Variants in OPCML observed in about 807,000 individuals in gnomAD.
The protein encoded by OPCML is opioid binding protein/cell adhesion molecule like, also known as opioid-binding protein/cell adhesion molecule.
A neutral mutation model predicts 37.8 loss-of-function variants in OPCML; 13 were observed. That is an observed-to-expected ratio of 0.34 (90% CI 0.22 to 0.55). The LOEUF (loss-of-function observed/expected upper bound fraction) is 0.55. Among genes scored for constraint, OPCML ranks in the 20% least tolerant of loss-of-function variants. The pLI is 0.91. For synonymous variants in OPCML, 176 were observed against 168.8 expected (o/e 1.04, Z -0.33); for missense variants, 341 against 435.6 (o/e 0.78, Z 1.93).
chr11:133,011,812 G>A (rs1947222902), intron 1 of OPCML, among the ~76,000 whole-genome samples: 1 of 152,110 alleles, frequency 6.6e-6, no homozygotes, highest in Admixed American at 6.5e-5. Context: ...TGCAAATAGG[G>A]CTAACGTTAT....
intron 1 of OPCML, among the ~76,000 whole-genome samples, chr11:133,326,342 A>T (rs1416362777): frequency 4.0e-5 from 1 of 25,290 alleles, no homozygotes; most frequent in African/African-American, 1.7e-4. Context: ...GGGTGTGTGT[A>T]TGTGTGTGTG....
rs1376505887 is a variant in OPCML, at chr11:132,947,841, T to C, written c.62-4831A>G. ...TATCAGAAATGCTTGAGACCAGAAG[T>C]GTTTCAGATTTTGAATTATTTTAAA... On this transcript the variant is annotated intron_variant, in intron 1 of 7. Coordinates refer to ENST00000524381, the MANE Select transcript of OPCML (RefSeq NM_001012393.5). Among the ~76,000 whole-genome samples the C allele has an allele frequency of 2.6e-5, 4 of 152,266 alleles. No homozygotes were observed. In the East Asian group the frequency reaches 5.8e-4, roughly 22 times the overall value.
At chr11:133,526,308 G>T (rs1187497644) in intron 1 of OPCML, among the ~76,000 whole-genome samples, 1 of 152,208 alleles carries the variant, frequency 6.6e-6, no homozygotes, top group Non-Finnish European at 1.5e-5. Context: ...CTAGAGTTGG[G>T]AGTTCTGGAA....
intron 1 of OPCML, among the ~76,000 whole-genome samples, chr11:133,359,400 A>G (rs763911177): frequency 6.6e-6 from 1 of 152,224 alleles, no homozygotes; most frequent in Non-Finnish European, 1.5e-5. Context: ...CTTGGAAGTG[A>G]AAAAGCCCTG....
At chr11:132,970,170 C>T (rs1461773638) in intron 1 of OPCML, among the ~76,000 whole-genome samples, 1 of 152,098 alleles carries the variant, frequency 6.6e-6, no homozygotes, top group Non-Finnish European at 1.5e-5. Flanking sequence ...CATCGAGGCC[C>T]CTCCTCTTTC....
chr11:133,063,710 C>T (rs146278417), intron 1 of OPCML, among the ~76,000 whole-genome samples: 26 of 152,134 alleles, frequency 1.7e-4, no homozygotes, highest in African/African-American at 5.5e-4. Context: ...TACAGGTGCC[C>T]GCCACCATGT....
At chr11:133,321,187 A>G (rs753172585) in intron 1 of OPCML, among the ~76,000 whole-genome samples, 3 of 152,108 alleles carry the variant, frequency 2.0e-5, no homozygotes, top group African/African-American at 4.8e-5. Context: ...CAAAACCCAT[A>G]ATGTATTCCT....
chr11:133,267,274 T>C (rs1704455505), intron 1 of OPCML, among the ~76,000 whole-genome samples: 1 of 152,188 alleles, frequency 6.6e-6, no homozygotes, highest in Non-Finnish European at 1.5e-5. Flanking sequence ...CAGATTAACA[T>C]TATATTACAG....
At chr11:133,504,079 G>C (rs558435372) in intron 1 of OPCML, among the ~76,000 whole-genome samples, 6 of 152,086 alleles carry the variant, frequency 3.9e-5, no homozygotes, top group Admixed American at 6.6e-5. Flanking sequence ...AGCACTCTGC[G>C]GAGACTTGCT....
chr11:133,448,729 T>C (rs1946521619), intron 1 of OPCML, among the ~76,000 whole-genome samples: 1 of 152,318 alleles, frequency 6.6e-6, no homozygotes, highest in Non-Finnish European at 1.5e-5. Flanking sequence ...AGTGCTGGGA[T>C]TACAGGCATG....
At chr11:132,960,485 G>T (rs1565368370) in intron 1 of OPCML, among the ~76,000 whole-genome samples, 1 of 152,156 alleles carries the variant, frequency 6.6e-6, no homozygotes, top group Non-Finnish European at 1.5e-5. Flanking sequence ...AGAAACCGGA[G>T]GCAAGGCAGG....
chr11:132,474,304 T>C (rs1234427684), intron 4 of OPCML, among the ~76,000 whole-genome samples: 2 of 152,108 alleles, frequency 1.3e-5, no homozygotes, highest in Admixed American at 6.5e-5. Flanking sequence ...AAGGAGAAGC[T>C]ACCAGAACAG....
chr11:133,106,335 T>C (rs1949156976), intron 1 of OPCML, among the ~76,000 whole-genome samples: 1 of 152,244 alleles, frequency 6.6e-6, no homozygotes, highest in South Asian at 2.1e-4. Context: ...ATTGCACCCA[T>C]TTAGCAAACT....
chr11:133,072,264 T>C (rs2137011993), intron 1 of OPCML, among the ~76,000 whole-genome samples: 1 of 152,352 alleles, frequency 6.6e-6, no homozygotes, highest in South Asian at 2.1e-4. Context: ...ATGAATTTTA[T>C]GGCATGTGAA....
intron 2 of OPCML, among the ~76,000 whole-genome samples, chr11:132,796,361 G>A (rs1938308028): frequency 6.6e-6 from 1 of 152,106 alleles, no homozygotes; most frequent in South Asian, 2.1e-4. Flanking sequence ...TTGCGCATAA[G>A]TTTTTGTGTA....
chr11:132,592,571 C>T (rs1323295792), intron 3 of OPCML, among the ~76,000 whole-genome samples: 7 of 152,156 alleles, frequency 4.6e-5, no homozygotes, highest in East Asian at 1.9e-4. Context: ...GGGTGGGTGA[C>T]GGGGTCCTCC....
chr11:132,504,640 G>A (rs572813362), intron 4 of OPCML, among the ~76,000 whole-genome samples: 77 of 151,906 alleles, frequency 5.1e-4, no homozygotes, highest in Non-Finnish European at 7.2e-4. Context: ...TTGTTGGCAG[G>A]AGTTTCTCAC....
intron 1 of OPCML, among the ~76,000 whole-genome samples, chr11:133,397,733 T>C (rs10894676): frequency 0.47 from 71,773 of 152,124 alleles, 19,757 homozygotes; most frequent in African/African-American, 0.78. Context: ...AAACTTACTG[T>C]GAGAGATAGT....
At chr11:133,241,490 T>G (rs1244545544) in intron 1 of OPCML, among the ~76,000 whole-genome samples, 4 of 152,242 alleles carry the variant, frequency 2.6e-5, no homozygotes, top group Non-Finnish European at 4.4e-5. Context: ...ATGGTCAGAT[T>G]AATTATGTAG....
Sources: gnomAD v4.1 joint callset for allele counts (sites outside exome capture counted in the v4.1 genomes callset) on GRCh38, gnomAD v4.1.1 for gene constraint, MANE v1.5 for transcripts, NCBI Gene and HGNC (gene_info 2026-07-23, HGNC 2026-07-21) for gene names.